Variants in SGCZ observed in about 807,000 individuals in gnomAD.
SGCZ encodes zeta-sarcoglycan.
Under a neutral mutation model 41.3 loss-of-function variants are expected in SGCZ, and 40 were observed. The observed-to-expected ratio is 0.97, with a 90% CI of 0.75 to 1.26. The LOEUF is 1.26. Among genes scored for constraint, SGCZ ranks in the 50% most tolerant of loss-of-function variants. The probability of loss-of-function intolerance (pLI) is 0.00; values close to 1 mark genes in which losing one functional copy is unlikely to be tolerated. For missense variants in SGCZ, 552 were observed against 369.8 expected, an observed-to-expected ratio of 1.49 and a Z score of -4.04; for synonymous variants, 206 against 137.5, an observed-to-expected ratio of 1.50 and a Z score of -3.49.
At chr8:15,180,534 T>C (rs572989803) in intron 1 of SGCZ, among the ~76,000 whole-genome samples, 2 of 151,700 alleles carry the variant, frequency 1.3e-5, no homozygotes, top group Non-Finnish European at 2.9e-5. Flanking sequence ...CTCATTCTAA[T>C]CTACATATGA....
chr8:14,414,554 A>C (rs1219177034), intron 2 of SGCZ, among the ~76,000 whole-genome samples: 2 of 151,960 alleles, frequency 1.3e-5, no homozygotes, highest in Admixed American at 6.6e-5. Context: ...ACCTCTTCAA[A>C]AGTATTAACA....
intron 1 of SGCZ, among the ~76,000 whole-genome samples, chr8:15,183,470 T>A (rs1800237047): frequency 6.6e-6 from 1 of 152,220 alleles, no homozygotes; most frequent in South Asian, 2.1e-4. Context: ...AACTTCACTC[T>A]ATGGCACTTG....
intron 1 of SGCZ, among the ~76,000 whole-genome samples, chr8:14,941,781 CTT>C (rs1318882273): frequency 5.3e-5 from 8 of 151,348 alleles, no homozygotes; most frequent in African/African-American, 1.2e-4. Flanking sequence ...TAAATTATCT[CTT>C]AACATATGTT....
intron 1 of SGCZ, among the ~76,000 whole-genome samples, chr8:14,718,149 C>T (rs921910361): frequency 9.9e-5 from 15 of 151,712 alleles, no homozygotes; most frequent in Non-Finnish European, 1.0e-4. Context: ...TTGAAATACA[C>T]ATATGCATGC....
chr8:14,871,621 C>G (rs1318780095), intron 1 of SGCZ, among the ~76,000 whole-genome samples: 1 of 151,792 alleles, frequency 6.6e-6, no homozygotes, highest in African/African-American at 2.4e-5. Flanking sequence ...CTGGCCAACA[C>G]AGTGAAACCC....
Position 14,404,684 on chromosome 8 carries a change from A to T in SGCZ, c.235-80480T>A, listed in dbSNP as rs528824137. 3.9e-5 allele frequency among the ~76,000 whole-genome samples: 6 copies of T among 152,298 alleles called. No homozygotes were observed. In the South Asian group the frequency reaches 8.3e-4, roughly 21 times the overall value. On this transcript the variant is annotated intron_variant, in intron 2 of 7. Transcript: ENST00000382080. ...GATTCTTAGACCAGTTCTTTCTCCA[A>T]AGCTGCAGTTATGTCTCTGTAACTG...
At chr8:14,278,632 G>A (rs1800315073) in intron 3 of SGCZ, among the ~76,000 whole-genome samples, 2 of 152,024 alleles carry the variant, frequency 1.3e-5, no homozygotes, top group South Asian at 4.1e-4. Context: ...TCTCTATATT[G>A]CTATTTACCT....
intron 1 of SGCZ, among the ~76,000 whole-genome samples, chr8:14,958,958 T>C (rs1800880791): frequency 6.6e-6 from 1 of 152,124 alleles, no homozygotes; most frequent in Non-Finnish European, 1.5e-5. Flanking sequence ...AATCTTTCTG[T>C]ATGTTTGAAA....
chr8:15,009,481 A>G (rs919670267), intron 1 of SGCZ, among the ~76,000 whole-genome samples: 1 of 152,204 alleles, frequency 6.6e-6, no homozygotes, highest in Non-Finnish European at 1.5e-5. Flanking sequence ...GTTTATCTCA[A>G]TAAGAAGGTT....
chr8:14,875,076 A>C (rs1220910620), intron 1 of SGCZ, among the ~76,000 whole-genome samples: 1 of 152,116 alleles, frequency 6.6e-6, no homozygotes, highest in Admixed American at 6.6e-5. Context: ...GTTATTTATA[A>C]ACAATGGAAA....
At chr8:14,363,919 T>C (rs1430895218) in intron 2 of SGCZ, among the ~76,000 whole-genome samples, 1 of 152,162 alleles carries the variant, frequency 6.6e-6, no homozygotes, top group Non-Finnish European at 1.5e-5. Context: ...TATCACTGTT[T>C]CCTCCTTTGC....
intron 2 of SGCZ, among the ~76,000 whole-genome samples, chr8:14,324,536 C>T (rs1256299308): frequency 6.6e-6 from 1 of 152,196 alleles, no homozygotes; most frequent in East Asian, 1.9e-4. Context: ...TGCTACCTGA[C>T]TGTTGGAAAT....
intron 1 of SGCZ, among the ~76,000 whole-genome samples, chr8:14,710,897 G>A (rs755666905): frequency 3.3e-5 from 5 of 152,008 alleles, no homozygotes; most frequent in Admixed American, 6.6e-5. Context: ...AACGAAGACC[G>A]AATACACAAT....
intron 1 of SGCZ, among the ~76,000 whole-genome samples, chr8:14,661,676 G>GAT (rs1421775208): frequency 2.6e-5 from 4 of 152,194 alleles, no homozygotes; most frequent in East Asian, 3.9e-4. Flanking sequence ...TCACAACCCA[G>GAT]GTATTTCACA....
In SGCZ at chr8:14,542,207, A is replaced by G. The variant is rs900449735; in HGVS notation, c.234+12525T>C. ...TGTTTTAGTCATGAAGTCTTTGTCC[A>G]TGCCTGTTTCCTGAATGGTATTGCC... On this transcript the variant is annotated intron_variant, in intron 2 of 7. Transcript: ENST00000382080. Among the ~76,000 whole-genome samples the G allele has an allele frequency of 2.6e-5, 4 of 152,060 alleles. No individual in the cohort carries two copies. In the East Asian group the frequency reaches 7.7e-4, roughly 29 times the overall value.
chr8:15,076,707 C>T (rs187256928), intron 1 of SGCZ, among the ~76,000 whole-genome samples: 1 of 151,732 alleles, frequency 6.6e-6, no homozygotes, highest in African/African-American at 2.4e-5. Flanking sequence ...TTTTCTGTAT[C>T]CTGAAAGTAC....
chr8:15,232,950 A>C (rs2117212241), intron 1 of SGCZ, among the ~76,000 whole-genome samples: 1 of 151,816 alleles, frequency 6.6e-6, no homozygotes, highest in African/African-American at 2.4e-5. Flanking sequence ...TATAACCCAT[A>C]AATGTATACA....
At chr8:15,083,656 C>T (rs935584030) in intron 1 of SGCZ, among the ~76,000 whole-genome samples, 4 of 152,172 alleles carry the variant, frequency 2.6e-5, no homozygotes, top group African/African-American at 9.7e-5. Context: ...TCAAGCAATC[C>T]TCCCACCTCA....
At position 14,114,636 on chromosome 8, in the gene SGCZ, G is replaced by T. The variant is rs113050734; in HGVS notation, c.548-6401C>A. Among the ~76,000 whole-genome samples the T allele has an allele frequency of 5.8e-3, 879 of 151,912 alleles. 8 individuals carry two copies. The highest frequency in any genetic ancestry group is 0.02 in the African/African-American group (848 of 41,456). On this transcript the variant is annotated intron_variant, in intron 5 of 7. Transcript: ENST00000382080. ...AGTGTCAGAAGACAAAAAGAGATAA[G>T]GAAAAAGACTGCTGGTGATCAAAAG...
Sources: gnomAD v4.1 joint callset for allele counts (sites outside exome capture counted in the v4.1 genomes callset) on GRCh38, gnomAD v4.1.1 for gene constraint, MANE v1.5 for transcripts, NCBI Gene and HGNC (gene_info 2026-07-23, HGNC 2026-07-21) for gene names.